PTPDC1: variants seen among roughly 807,000 people sequenced by gnomAD.
PTPDC1 encodes protein tyrosine phosphatase domain-containing protein 1.
Under a neutral mutation model 75.3 loss-of-function variants are expected in PTPDC1, and 53 were observed. The observed-to-expected ratio is 0.70, with a 90% CI of 0.56 to 0.88. The LOEUF (loss-of-function observed/expected upper bound fraction) is 0.88. Ranked by LOEUF, PTPDC1 falls within the 40% of genes least tolerant of loss-of-function variation. PTPDC1 has a pLI of 0.00. For synonymous variants in PTPDC1, 349 were observed against 366.2 expected (o/e 0.95, Z 0.54); for missense variants, 925 against 998.6 (o/e 0.93, Z 0.99).
chr9:94,055,449 G>T (rs572771122), intron 1 of PTPDC1, among the ~76,000 whole-genome samples: 34 of 152,236 alleles, frequency 2.2e-4, no homozygotes, highest in Non-Finnish European at 4.4e-4. Context: ...CAACCAAGAT[G>T]TGCTTCAATA....
intron 1 of PTPDC1, among the ~76,000 whole-genome samples, chr9:94,045,470 A>T (rs1353816261): frequency 6.6e-6 from 1 of 152,154 alleles, no homozygotes; most frequent in East Asian, 1.9e-4. Flanking sequence ...ACAGTGTAAA[A>T]GTGTTCCTGT....
chr9:94,030,985 C>T (rs1740005078), exon 1 of PTPDC1: 1 of 152,112 alleles, frequency 6.6e-6, no homozygotes, highest in African/African-American at 2.4e-5. Context: ...GCCCTCGGGC[C>T]CGCTACCCAC....
At chr9:94,053,364 A>AT (rs1186210510) in intron 1 of PTPDC1, among the ~76,000 whole-genome samples, 15 of 152,122 alleles carry the variant, frequency 9.9e-5, no homozygotes, top group Admixed American at 3.9e-4. Flanking sequence ...GGAAAAAAAA[A>AT]GGAATTTTAT....
At chr9:94,040,586 AAAT>A (rs1825401404) in intron 1 of PTPDC1, among the ~76,000 whole-genome samples, 1 of 152,156 alleles carries the variant, frequency 6.6e-6, no homozygotes, top group Admixed American at 6.5e-5. Flanking sequence ...AACAATAACA[AAAT>A]AATAATAATA....
chr9:94,095,042 G>C (rs1564031620), intron 4 of PTPDC1, among the ~76,000 whole-genome samples: 1 of 152,230 alleles, frequency 6.6e-6, no homozygotes, highest in Non-Finnish European at 1.5e-5. Context: ...CGTCTTCTGC[G>C]TCGCTCACGC....
At chr9:94,039,605 G>C (rs113995255) in intron 1 of PTPDC1, among the ~76,000 whole-genome samples, 7,438 of 152,192 alleles carry the variant, frequency 0.049, 253 homozygotes, top group East Asian at 0.15. Flanking sequence ...GCAACATAGT[G>C]AGACCTTGTC....
At chr9:94,105,036 CAAAG>C (rs1827966815) in intron 8 of PTPDC1, among the ~76,000 whole-genome samples, 1 of 152,174 alleles carries the variant, frequency 6.6e-6, no homozygotes, top group Non-Finnish European at 1.5e-5. Context: ...TGTCATTAAA[CAAAG>C]AACCCAGCTT....
Position 94,095,232 on chromosome 9 carries a change from T to G in PTPDC1, c.617-85T>G, listed in dbSNP as rs1458628695. On this transcript the variant is annotated intron_variant, in intron 4 of 8. Coordinates refer to ENST00000620992, the MANE Select transcript of PTPDC1 (RefSeq NM_001253829.2). ...TGAGATCTACATGCCTCAGTCTCAG[T>G]GTAGATCTGTGTACTTTTCATTAGT... The G allele has an allele frequency of 2.9e-6, 3 of 1,034,110 alleles. No individual in the cohort carries two copies. The African/African-American group carries it at 4.7e-5, about 16-fold the overall frequency. The allele number at this position is 1,034,110 out of a possible 1,614,324, so 64.1% of individuals were successfully genotyped here. A position where few individuals can be genotyped will look rare whatever the true frequency, so the allele number is the denominator to read the frequency against.
chr9:94,061,085 T>C (rs1384185781), intron 1 of PTPDC1, among the ~76,000 whole-genome samples: 1 of 152,176 alleles, frequency 6.6e-6, no homozygotes, highest in East Asian at 1.9e-4. Context: ...GATTAGTTAC[T>C]TCTAAGATAC....
At chr9:94,092,451 GT>G (rs1827364582) in intron 4 of PTPDC1, among the ~76,000 whole-genome samples, 1 of 141,934 alleles carries the variant, frequency 7.0e-6, no homozygotes, top group East Asian at 2.1e-4. Flanking sequence ...CTGAGAGATA[GT>G]TTGTTATAAT....
chr9:94,039,601 TAGTG>T (rs1825371533), intron 1 of PTPDC1, among the ~76,000 whole-genome samples: 1 of 152,092 alleles, frequency 6.6e-6, no homozygotes, highest in East Asian at 1.9e-4. Context: ...CTGGGCAACA[TAGTG>T]AGACCTTGTC....
rs139043406 is a variant in PTPDC1, at chr9:94,108,801, C to G, written c.*857C>G. 411 of 152,396 alleles carry G rather than the reference C, an allele frequency of 2.7e-3. 1 individual carries two copies. Among genetic ancestry groups the G allele is most frequent in the Admixed American group, 4.9e-3 (75 of 15,302 alleles). The allele number at this position is 152,396 out of a possible 1,614,324, so 9.4% of individuals were successfully genotyped here. ...GCTAAGAAGCAGGGCTTGCCTCTGT[C>G]CTCCCGGGGACTCCACAGGGATATT... On this transcript the variant is annotated 3_prime_UTR_variant, in exon 9 of 9. Transcript: ENST00000620992.
At chr9:94,057,131 G>A (rs536149495) in intron 1 of PTPDC1, among the ~76,000 whole-genome samples, 16 of 152,180 alleles carry the variant, frequency 1.1e-4, no homozygotes, top group African/African-American at 3.9e-4. Context: ...AGAGTGCAGT[G>A]ACGCGATTAC....
intron 4 of PTPDC1, among the ~76,000 whole-genome samples, chr9:94,092,215 G>A (rs1226151727): frequency 6.7e-6 from 1 of 148,604 alleles, no homozygotes; most frequent in East Asian, 2.0e-4. Flanking sequence ...TCTCTTGTGG[G>A]CATTTAGTGC....
intron 2 of PTPDC1, among the ~76,000 whole-genome samples, chr9:94,067,369 GAC>G (rs1826344731): frequency 6.6e-6 from 1 of 150,964 alleles, no homozygotes; most frequent in African/African-American, 2.4e-5. Context: ...CAGCCTGGGT[GAC>G]AGAGTGAGAC....
intron 4 of PTPDC1, among the ~76,000 whole-genome samples, chr9:94,092,032 A>C (rs13291805): frequency 0.53 from 75,350 of 141,724 alleles, 20,852 homozygotes; most frequent in African/African-American, 0.63. Context: ...TTCAAAAAAC[A>C]AGCTCCTGGA....
At chr9:94,103,492 T>C (rs925234059) in intron 7 of PTPDC1, among the ~76,000 whole-genome samples, 3 of 152,190 alleles carry the variant, frequency 2.0e-5, no homozygotes, top group African/African-American at 7.2e-5. Context: ...TTTATCCTAA[T>C]TCACCCTCGG....
chr9:94,071,701 T>G (rs947411476), intron 2 of PTPDC1, among the ~76,000 whole-genome samples: 41 of 152,348 alleles, frequency 2.7e-4, no homozygotes, highest in African/African-American at 9.4e-4. Context: ...GATAGAGTGA[T>G]TCTTCCCACT....
At chr9:94,074,650 A>G (rs905695137) in intron 2 of PTPDC1, among the ~76,000 whole-genome samples, 13 of 152,220 alleles carry the variant, frequency 8.5e-5, no homozygotes, top group African/African-American at 2.6e-4. Flanking sequence ...GGATTGGGAA[A>G]TGGGAATGTT....
Sources: allele counts gnomAD v4.1 joint callset (sites outside exome capture counted in the v4.1 genomes callset), GRCh38; gene constraint gnomAD v4.1.1; transcripts MANE v1.5; gene names NCBI Gene and HGNC (gene_info 2026-07-23, HGNC 2026-07-21).